Variants in BEAN1 observed in about 807,000 individuals in gnomAD.
BEAN1 encodes the protein protein BEAN1.
Under a neutral mutation model 17.7 loss-of-function variants are expected in BEAN1, and 17 were observed. That is an observed-to-expected ratio of 0.96 (90% CI 0.66 to 1.44). The LOEUF (loss-of-function observed/expected upper bound fraction) is 1.44, where lower values mean the gene tolerates loss of function less well. Among genes scored for constraint, BEAN1 ranks in the 40% most tolerant of loss-of-function variants. The probability of loss-of-function intolerance (pLI) is 0.00; values close to 1 mark genes in which losing one functional copy is unlikely to be tolerated. For missense variants in BEAN1, 359 were observed against 374.1 expected (o/e 0.96, Z 0.33); for synonymous variants, 142 against 151.8 (o/e 0.94, Z 0.47).
chr16:66,470,212 A>ATGGT, intron 3 of BEAN1: 1 of 401,628 alleles, frequency 2.5e-6, no homozygotes, highest in Non-Finnish European at 4.5e-6. Context: ...GGATGGATGG[A>ATGGT]TGGATGGTTG....
intron 1 of BEAN1, among the ~76,000 whole-genome samples, chr16:66,435,615 G>A (rs1343615272): frequency 6.6e-6 from 1 of 152,130 alleles, no homozygotes; most frequent in Non-Finnish European, 1.5e-5. Context: ...AGCCTCCCGA[G>A]TAGCTGGGAT....
intron 2 of BEAN1, among the ~76,000 whole-genome samples, chr16:66,465,646 A>G (rs1363600068): frequency 2.0e-5 from 3 of 152,232 alleles, no homozygotes; most frequent in African/African-American, 7.2e-5. Context: ...TCCTATATGC[A>G]TTAAAGTTAT....
chr16:66,465,481 A>G (rs1421884246), intron 2 of BEAN1, among the ~76,000 whole-genome samples: 1 of 152,118 alleles, frequency 6.6e-6, no homozygotes, highest in African/African-American at 2.4e-5. Flanking sequence ...TTTCCTTTTT[A>G]GCTTTTTCTG....
In BEAN1 at chr16:66,436,170, A is replaced by C. The variant is rs375369452; in HGVS notation, c.-82-1425A>C. On this transcript the variant is annotated intron_variant, in intron 1 of 4. Coordinates refer to ENST00000536005, the MANE Select transcript of BEAN1 (RefSeq NM_001178020.3). Reference sequence around the variant, plus strand: ...CACACTCCCTAGAAATAAAAACCTTATCTCTCTCCTGTTCCTACAGCCTCA... The same window carrying C: ...CACACTCCCTAGAAATAAAAACCTTCTCTCTCTCCTGTTCCTACAGCCTCA... Among the ~76,000 whole-genome samples the C allele has an allele frequency of 3.9e-4, 59 of 151,886 alleles. 2 individuals carry two copies. Among genetic ancestry groups the C allele is most frequent in the East Asian group, 3.7e-3 (19 of 5,156 alleles).
chr16:66,471,227 A>C lies in BEAN1; in HGVS notation c.289+1362A>C, dbSNP rs1289487747. On this transcript the variant is annotated intron_variant, in intron 3 of 4. Transcript: ENST00000536005. This position sits in a 1 kb window ranked among gnomAD's most constrained non-coding sequence, Gnocchi z 4.7. Reference sequence around the variant, plus strand: ...CTTTTTCAGAGTTAACTGGTTAAGGAGGGGACTGATGGGTAGCTGGAGCTG... The same window carrying C: ...CTTTTTCAGAGTTAACTGGTTAAGGCGGGGACTGATGGGTAGCTGGAGCTG... 6.6e-6 allele frequency among the ~76,000 whole-genome samples: 1 copy of C among 152,076 alleles called. No homozygotes were observed. Among genetic ancestry groups the C allele is most frequent in the East Asian group, 1.9e-4 (1 of 5,190 alleles).
chr16:66,438,734 C>G (rs2142379912), intron 2 of BEAN1, among the ~76,000 whole-genome samples: 1 of 152,278 alleles, frequency 6.6e-6, no homozygotes, highest in African/African-American at 2.4e-5. Context: ...CTCATGCCAC[C>G]ACCCTTGCCC....
chr16:66,490,201 T>G (rs1597058843), intron 4 of BEAN1, among the ~76,000 whole-genome samples: 1 of 113,746 alleles, frequency 8.8e-6, no homozygotes, highest in Admixed American at 1.2e-4. Flanking sequence ...GCCAACATGG[T>G]GAAATCCCAT....
chr16:66,441,151 C>CGTGCTCAGTGCCTGGCACATAGGAG (rs1260759652), intron 2 of BEAN1, among the ~76,000 whole-genome samples: 1 of 152,172 alleles, frequency 6.6e-6, no homozygotes, highest in Non-Finnish European at 1.5e-5. Context: ...CCCGCACCAC[C>CGTGCTCAGTGCCTGGCACATAGGAG]GTGCTCAGTG....
intron 2 of BEAN1, among the ~76,000 whole-genome samples, chr16:66,443,267 T>C (rs749736587): frequency 2.6e-5 from 4 of 152,228 alleles, no homozygotes; most frequent in Non-Finnish European, 5.9e-5. Flanking sequence ...GTGAAGGATT[T>C]ACAAGGCCTT....
downstream of BEAN1, among the ~76,000 whole-genome samples, chr16:66,487,794 C>A (rs1229352603): frequency 6.6e-6 from 1 of 152,180 alleles, no homozygotes; most frequent in Non-Finnish European, 1.5e-5. Flanking sequence ...GCCCCATCAG[C>A]CCACCTAGGC....
At chr16:66,440,164 C>T (rs1962198800) in intron 2 of BEAN1, among the ~76,000 whole-genome samples, 1 of 128,852 alleles carries the variant, frequency 7.8e-6, no homozygotes, top group Admixed American at 9.3e-5. Context: ...GAGTTTCACG[C>T]TGCCACCCAG....
At chr16:66,465,245 C>A (rs1963222282) in intron 2 of BEAN1, among the ~76,000 whole-genome samples, 1 of 152,092 alleles carries the variant, frequency 6.6e-6, no homozygotes. Flanking sequence ...TAAATCGTAT[C>A]TAGTCCTAGT....
At chr16:66,484,660 C>T (rs1375988064), downstream of BEAN1, 5 of 453,926 alleles carry the variant, frequency 1.1e-5, no homozygotes, top group African/African-American at 6.0e-5. The surrounding 1 kb of genome is among the most constrained non-coding windows in gnomAD (Gnocchi z 4.2). Flanking sequence ...GAAGTGTTCC[C>T]AGGAGTACCA....
rs1397273222 is a variant in BEAN1 at position 66,474,602 on chromosome 16, G to A, written c.290-2958G>A. ...GGAGAGAGGGAGGGAGGGAGGGAGG[G>A]AGAGAGGGAGGGAGGAAGGGAGGGA... is the stretch of plus-strand genomic sequence containing the variant. On this transcript the variant is annotated intron_variant, in intron 3 of 4. Coordinates refer to ENST00000536005, the MANE Select transcript of BEAN1 (RefSeq NM_001178020.3). Among the ~76,000 whole-genome samples, 16 of 17,346 alleles carry A rather than the reference G, an allele frequency of 9.2e-4. No individual in the cohort carries two copies. The East Asian group carries it at 9.7e-3, about 10-fold the overall frequency. The allele number at this position is 17,346 out of a possible 152,430, so 11.4% of individuals were successfully genotyped here. A position where few individuals can be genotyped will look rare whatever the true frequency, so the allele number is the denominator to read the frequency against.
chr16:66,486,622 T>G (rs563445391), downstream of BEAN1, among the ~76,000 whole-genome samples: 197 of 152,124 alleles, frequency 1.3e-3, no homozygotes, highest in African/African-American at 4.7e-3. Flanking sequence ...CTCCCATGCC[T>G]CCATCTCCCC....
At chr16:66,438,107 G>A (rs529224455) in intron 2 of BEAN1, 11 of 253,660 alleles carry the variant, frequency 4.3e-5, no homozygotes, top group Admixed American at 4.8e-5. Flanking sequence ...ATGTGTGGCC[G>A]GCGTGGTGGC....
At chr16:66,429,545 G>A (rs1463320482) in intron 1 of BEAN1, among the ~76,000 whole-genome samples, 2 of 152,300 alleles carry the variant, frequency 1.3e-5, no homozygotes, top group Admixed American at 1.3e-4. Context: ...CTGTGTGGGT[G>A]TTCTGGCCCA....
At chr16:66,466,117 T>C (rs1040027207) in intron 2 of BEAN1, among the ~76,000 whole-genome samples, 1 of 152,090 alleles carries the variant, frequency 6.6e-6, no homozygotes, top group Non-Finnish European at 1.5e-5. Flanking sequence ...GCCGGCCAAA[T>C]TTGTTAATCT....
intron 2 of BEAN1, among the ~76,000 whole-genome samples, chr16:66,461,976 A>G (rs1963105428): frequency 6.6e-6 from 1 of 152,202 alleles, no homozygotes; most frequent in Non-Finnish European, 1.5e-5. Flanking sequence ...GCTCCATTTC[A>G]TAACCAGCTC....
Sources: gnomAD v4.1 joint callset for allele counts (sites outside exome capture counted in the v4.1 genomes callset) on GRCh38, gnomAD v4.1.1 for gene constraint, Gnocchi (gnomAD v3.1) non-coding constraint, MANE v1.5 for transcripts, NCBI Gene and HGNC (gene_info 2026-07-23, HGNC 2026-07-21) for gene names.